Variants in TMEM114 observed in about 807,000 individuals in gnomAD.
The protein encoded by TMEM114 is transmembrane protein 114.
TMEM114 carries 6 observed loss-of-function variants against 6.2 expected under a neutral mutation model. That is an observed-to-expected ratio of 0.97 (90% CI 0.53 to 1.91). The LOEUF (loss-of-function observed/expected upper bound fraction) is 1.91. Among genes scored for constraint, TMEM114 ranks in the 40% most tolerant of loss-of-function variants. The probability of loss-of-function intolerance (pLI) is 0.01; values close to 1 mark genes in which losing one functional copy is unlikely to be tolerated. For synonymous variants in TMEM114, 104 were observed against 73.0 expected (o/e 1.42, Z -2.16); for missense variants, 218 against 158.3 (o/e 1.38, Z -2.02).
At chr16:8,571,597 AC>A (rs1037823297) in intron 3 of TMEM114, among the ~76,000 whole-genome samples, 15 of 20,010 alleles carry the variant, frequency 7.5e-4, no homozygotes, top group African/African-American at 2.6e-3. Flanking sequence ...CCCTGCCCCC[AC>A]CCCCAGCCTG....
intron 2 of TMEM114, among the ~76,000 whole-genome samples, chr16:8,539,633 C>G (rs373233808): frequency 6.6e-6 from 1 of 152,132 alleles, no homozygotes; most frequent in African/African-American, 2.4e-5. Context: ...GCTGGAAGCA[C>G]TCTGCGTGCA....
intron 2 of TMEM114, among the ~76,000 whole-genome samples, chr16:8,547,142 C>G (rs1016019585): frequency 5.9e-5 from 9 of 152,048 alleles, no homozygotes; most frequent in African/African-American, 2.2e-4. Context: ...GCAAATACGG[C>G]TGGGGGAAAA....
the TMEM114 span, among the ~76,000 whole-genome samples, chr16:8,529,142 A>G: frequency 6.6e-6 from 1 of 152,222 alleles, no homozygotes; most frequent in Admixed American, 6.5e-5. Context: ...TAGGGTGAGA[A>G]GCAAGGATGA....
chr16:8,564,204 GGTGAATGAGTGAGTTA>G (rs1303268448), intron 2 of TMEM114, among the ~76,000 whole-genome samples: 84 of 122,306 alleles, frequency 6.9e-4, no homozygotes, highest in South Asian at 1.6e-3. Context: ...TGAGTGAGTG[GGTGAATGAGTGAGTTA>G]GTGAATGAGT....
chr16:8,550,094 T>C (rs1011243674), intron 2 of TMEM114, among the ~76,000 whole-genome samples: 1 of 152,170 alleles, frequency 6.6e-6, no homozygotes, highest in Non-Finnish European at 1.5e-5. Context: ...GAAGCATCCA[T>C]CATGGGAGAA....
At chr16:8,563,555 G>A (rs570594158) in intron 2 of TMEM114, among the ~76,000 whole-genome samples, 1 of 151,094 alleles carries the variant, frequency 6.6e-6, no homozygotes, top group East Asian at 1.9e-4. Flanking sequence ...GTAAGTGAAT[G>A]AGTGACTGAG....
the TMEM114 span, chr16:8,531,855 T>C: frequency 6.6e-6 from 1 of 152,226 alleles, no homozygotes; most frequent in Non-Finnish European, 1.5e-5. Flanking sequence ...TGGAAAGGGA[T>C]GTAAAATTCT....
chr16:8,581,722 G>T (rs1205201824), intron 2 of TMEM114, among the ~76,000 whole-genome samples: 1 of 152,264 alleles, frequency 6.6e-6, no homozygotes, highest in African/African-American at 2.4e-5. Context: ...CCAAATTGCT[G>T]GGATTACAGG....
At chr16:8,566,897 G>GC (rs1901564224), downstream of TMEM114, among the ~76,000 whole-genome samples, 1 of 98,286 alleles carries the variant, frequency 1.0e-5, no homozygotes, top group Non-Finnish European at 1.9e-5. Flanking sequence ...CATCACCCTG[G>GC]TTTTTTTTTT....
chr16:8,582,493 C>T (rs1054586861), intron 2 of TMEM114, among the ~76,000 whole-genome samples: 1 of 152,194 alleles, frequency 6.6e-6, no homozygotes, highest in African/African-American at 2.4e-5. Flanking sequence ...ACCCCAGAAA[C>T]AGGCTAGGAG....
chr16:8,532,034 G>C, the TMEM114 span: 1 of 152,188 alleles, frequency 6.6e-6, no homozygotes, highest in African/African-American at 2.4e-5. Context: ...GAACGGAGAG[G>C]TGGATTGCTT....
chr16:8,531,656 A>G, the TMEM114 span, among the ~76,000 whole-genome samples: 1 of 152,210 alleles, frequency 6.6e-6, no homozygotes, highest in South Asian at 2.1e-4. Context: ...TGGTGAACTC[A>G]TCCATAGAAA....
chr16:8,570,914 A>G (rs1197807845), intron 3 of TMEM114, among the ~76,000 whole-genome samples: 1 of 152,184 alleles, frequency 6.6e-6, no homozygotes, highest in African/African-American at 2.4e-5. Context: ...CTCGGCATGG[A>G]TTAGGGAACT....
At position 8,569,848 on chromosome 16, in the gene TMEM114, C is replaced by G; in HGVS notation, c.597G>C (p.Glu199Asp). 6.4e-7 allele frequency: 1 copy of G among 1,551,044 alleles called. No homozygotes were observed. Among genetic ancestry groups the G allele is most frequent in the Non-Finnish European group, 8.7e-7 (1 of 1,146,968 alleles). ...LALGWISFIAELLTGAAFLAA... is the reference protein window; with the variant it reads ...LALGWISFIADLLTGAAFLAA... ...CCAGGAAGGCTGCCCCGGTGAGCAG[C>G]TCGGCGATGAAGCTGATCCAGCCCA... The change falls in exon 4 of 4, where the codon GAG becomes GAC. Residue 199 changes from glutamate to aspartate, a missense_variant. By Grantham distance (45) the Glu-to-Asp change is conservative. Coordinates refer to ENST00000620492, the MANE Select transcript of TMEM114 (RefSeq NM_001146336.2).
At chr16:8,557,038 G>C (rs182943266) in intron 2 of TMEM114, among the ~76,000 whole-genome samples, 23 of 152,260 alleles carry the variant, frequency 1.5e-4, no homozygotes, top group Middle Eastern at 3.4e-3. Flanking sequence ...GAATCGGTGA[G>C]GCTTGAGGAA....
chr16:8,571,721 A>G (rs1381703102), intron 3 of TMEM114, among the ~76,000 whole-genome samples: 1 of 152,086 alleles, frequency 6.6e-6, no homozygotes, highest in Non-Finnish European at 1.5e-5. Flanking sequence ...TCAAAGCAGT[A>G]TCTATCAGAA....
the TMEM114 span, among the ~76,000 whole-genome samples, chr16:8,530,057 G>A: frequency 3.3e-5 from 5 of 152,112 alleles, no homozygotes; most frequent in African/African-American, 1.2e-4. Flanking sequence ...TCTATTTCCT[G>A]GTCCCAGTTG....
chr16:8,536,675 T>C (rs1900370068), downstream of TMEM114, among the ~76,000 whole-genome samples: 1 of 152,140 alleles, frequency 6.6e-6, no homozygotes, highest in Non-Finnish European at 1.5e-5. Context: ...TGTTTTTGTT[T>C]GTTTGTTTGT....
intron 2 of TMEM114, among the ~76,000 whole-genome samples, chr16:8,545,554 T>G (rs147791704): frequency 3.9e-5 from 6 of 152,196 alleles, no homozygotes; most frequent in Non-Finnish European, 7.3e-5. Flanking sequence ...TTCATGTGTA[T>G]CAGAACCACC....
Sources: allele counts gnomAD v4.1 joint callset (sites outside exome capture counted in the v4.1 genomes callset), GRCh38; gene constraint gnomAD v4.1.1; transcripts MANE v1.5; gene names NCBI Gene and HGNC (gene_info 2026-07-23, HGNC 2026-07-21).